Variants in PTPRN observed in about 807,000 individuals in gnomAD.
PTPRN encodes receptor-type tyrosine-protein phosphatase-like N.
A neutral mutation model predicts 108.5 loss-of-function variants in PTPRN; 70 were observed. That is an observed-to-expected ratio of 0.65 (90% CI 0.53 to 0.79). The LOEUF (loss-of-function observed/expected upper bound fraction) is 0.79. PTPRN is among the 30% of genes least tolerant of loss of function. PTPRN has a pLI of 0.00. For missense variants in PTPRN, 1,136 were observed against 1,295.5 expected (o/e 0.88, Z 1.89); for synonymous variants, 496 against 524.6 (o/e 0.95, Z 0.75).
intron 6 of PTPRN, 72 bp downstream of exon 6, chr2:219,302,065 T>G: frequency 7.5e-7 from 1 of 1,336,806 alleles, no homozygotes; most frequent in East Asian, 2.3e-5. Flanking sequence ...GCATAGATTG[T>G]CAGGGAAGGG....
At position 219,296,251 on chromosome 2, in the gene PTPRN, C is replaced by T. The variant is rs967972847; in HGVS notation, c.2483G>A (p.Gly828Asp). ...KQCDRYWPDE[G>D]ASLYHVYEVN... ...CTCATATACGTGGTAGAGGGAGGCA[C>T]CCTCATCTGGCCAGTAGCGGTCACA... is the stretch of plus-strand genomic sequence containing the variant. Residue 828 changes from glycine to aspartate, a missense_variant, in exon 18 of 23, where the codon GGT becomes GAT. Transcript: ENST00000295718. The surrounding 1 kb of genome is among the most constrained non-coding windows in gnomAD (Gnocchi z 6.0). 1.2e-6 allele frequency: 2 copies of T among 1,614,034 alleles called. No individual in the cohort carries two copies. The highest frequency in any genetic ancestry group is 1.7e-6 in the Non-Finnish European group (2 of 1,180,040).
Position 219,290,394 on chromosome 2 carries a change from G to T in PTPRN, c.2869-97C>A. The T allele has an allele frequency of 2.8e-6, 4 of 1,410,100 alleles. No individual in the cohort carries two copies. The highest frequency in any genetic ancestry group is 1.2e-5 in the South Asian group (1 of 82,460). 87.3% of individuals were successfully genotyped at this position (1,410,100 alleles called of 1,614,324 possible). On this transcript the variant is annotated intron_variant, in intron 22 of 22. Coordinates refer to ENST00000295718, the MANE Select transcript of PTPRN (RefSeq NM_002846.4). This position sits in a 1 kb window ranked among gnomAD's most constrained non-coding sequence, Gnocchi z 4.2. ...TTGGTGGGGGGAGGGCCCTGGGCAGGTCCCCTGGGAGGAAGGGAGCCCTCC... is the reference window on the plus strand; with the variant it reads ...TTGGTGGGGGGAGGGCCCTGGGCAGTTCCCCTGGGAGGAAGGGAGCCCTCC...
chr2:219,295,611 G>C (rs1354435321), intron 18 of PTPRN: 1 of 155,372 alleles, frequency 6.4e-6, no homozygotes, highest in Non-Finnish European at 1.4e-5. Context: ...TTTTGTCTTA[G>C]TGGGGACTCA....
In PTPRN at chr2:219,299,084, T is replaced by A; in HGVS notation, c.1631A>T (p.Gln544Leu). The change falls in exon 12 of 23, where the codon CAG becomes CTG. Residue 544 changes from glutamine (Q) to leucine (L), a missense_variant. By Grantham distance (113) the Gln-to-Leu change is moderately radical. Transcript: ENST00000295718. ...AGLVKSELEA[Q>L]TGLQILQTGV... Reference sequence around the variant, plus strand: ...TGTCTGCAAGATTTGGAGCCCTGTCTGTGCTTCCAGTTCAGACTTCACCAG... The same window carrying A: ...TGTCTGCAAGATTTGGAGCCCTGTCAGTGCTTCCAGTTCAGACTTCACCAG... 1.2e-6 allele frequency: 2 copies of A among 1,614,250 alleles called. No homozygotes were observed. Among genetic ancestry groups the A allele is most frequent in the Non-Finnish European group, 1.7e-6 (2 of 1,180,046 alleles).
At chr2:219,291,387 G>T in intron 20 of PTPRN, 83 bp downstream of exon 20, 1 of 1,465,234 alleles carries the variant, frequency 6.8e-7, no homozygotes, top group South Asian at 1.1e-5. Flanking sequence ...CAGTTTGCTA[G>T]CACCAAGGGG....
chr2:219,297,880 CA>C lies in PTPRN; in HGVS notation c.1887+4del. ...TTTGCTCAATCAGCTTCTGGGGCTG[CA>C]CACCTGGTACTCAAAGGTAGTGTCA... On this transcript the variant is annotated splice_donor_region_variant and intron_variant, in intron 13 of 22. Coordinates refer to ENST00000295718, the MANE Select transcript of PTPRN (RefSeq NM_002846.4). This position sits in a 1 kb window ranked among gnomAD's most constrained non-coding sequence, Gnocchi z 6.0. 1 of 1,602,266 alleles carries C rather than the reference CA, an allele frequency of 6.2e-7. No homozygotes were observed. The highest frequency in any genetic ancestry group is 8.5e-7 in the Non-Finnish European group (1 of 1,175,502).
At chr2:219,293,310 A>G (rs540052447) in intron 19 of PTPRN, among the ~76,000 whole-genome samples, 1 of 152,170 alleles carries the variant, frequency 6.6e-6, no homozygotes, top group East Asian at 1.9e-4. Flanking sequence ...CCTCCCGAGT[A>G]GCTGGGAGTA....
At position 219,300,071 on chromosome 2, in the gene PTPRN, T is replaced by C; in HGVS notation, c.1350A>G (p.Pro450=). ...CCACCGTGGGCTGGCTCTGGCCCAG[T>C]GGGCTTTTCTTCTCTAGCAGGACAG... is the stretch of plus-strand genomic sequence containing the variant. The part of the protein sequence containing the change: ...VTPVLLEKKS[P]LGQSQPTVAG... Residue 450 remains proline, a synonymous_variant, in exon 9 of 23, where the codon CCA becomes CCG. Coordinates refer to ENST00000295718, the MANE Select transcript of PTPRN (RefSeq NM_002846.4). The C allele has an allele frequency of 6.2e-7, 1 of 1,614,184 alleles. No homozygotes were observed. The highest frequency in any genetic ancestry group is 1.1e-5 in the South Asian group (1 of 91,084).
chr2:219,300,381 C>T, intron 8 of PTPRN, 122 bp from the exon 9 acceptor site: 2 of 1,045,134 alleles, frequency 1.9e-6, no homozygotes, highest in South Asian at 3.5e-5. Flanking sequence ...CCAGGGACCA[C>T]TGCAGTGCTG....
In PTPRN at chr2:219,309,325, C is replaced by T; in HGVS notation, c.8G>A (p.Arg3His). ...CCCGAGACCCCCAGGCCGCCGCGGG[C>T]GCCGCATCTTTCCGAGCTCCGGGCG... is the stretch of plus-strand genomic sequence containing the variant. MR[R>H]PRRPGGLGGS... is the part of the protein sequence containing the mutation. The change falls in exon 1 of 23, where the codon CGC becomes CAC. Residue 3 changes from arginine (R) to histidine (H), a missense_variant. Arg to His is a conservative substitution (Grantham distance 29). Transcript: ENST00000295718. 6.8e-7 allele frequency: 1 copy of T among 1,467,020 alleles called. No homozygotes were observed. Among genetic ancestry groups the T allele is most frequent in the Non-Finnish European group, 9.0e-7 (1 of 1,109,508 alleles). The allele number at this position is 1,467,020 out of a possible 1,614,324, so 90.9% of individuals were successfully genotyped here.
intron 10 of PTPRN, 80 bp downstream of exon 10, chr2:219,299,620 C>A: frequency 7.2e-7 from 1 of 1,386,944 alleles, no homozygotes. Flanking sequence ...GCTCTTCCTC[C>A]CGCAGGCCCC....
chr2:219,301,469 A>C, intron 7 of PTPRN, 119 bp downstream of exon 7: 1 of 1,383,630 alleles, frequency 7.2e-7, no homozygotes, highest in Non-Finnish European at 9.8e-7. Context: ...TCTCAAAGGA[A>C]CTCTTTCCCC....
intron 20 of PTPRN, among the ~76,000 whole-genome samples, chr2:219,291,166 G>A (rs1420063715): frequency 6.6e-6 from 1 of 152,190 alleles, no homozygotes; most frequent in African/African-American, 2.4e-5. Context: ...AGAAGCAGAG[G>A]CAGCAGGAGG....
intron 3 of PTPRN, among the ~76,000 whole-genome samples, chr2:219,304,668 C>G (rs547063139): frequency 6.6e-6 from 1 of 152,286 alleles, no homozygotes; most frequent in East Asian, 1.9e-4. Flanking sequence ...ATTAGATGAG[C>G]TGTCTGTGTT....
chr2:219,301,503 G>T (rs1952344968), intron 7 of PTPRN, 85 bp downstream of exon 7: 1 of 1,502,414 alleles, frequency 6.7e-7, no homozygotes. Flanking sequence ...TTCCTCTCCA[G>T]GCTACTCCAA....
At position 219,296,070 on chromosome 2, in the gene PTPRN, TTATA is replaced by T; in HGVS notation, c.2508+152_2508+155del. 9.7e-7 allele frequency: 1 copy of T among 1,034,832 alleles called. No individual in the cohort carries two copies. The highest frequency in any genetic ancestry group is 1.4e-6 in the Non-Finnish European group (1 of 699,972). The allele number at this position is 1,034,832 out of a possible 1,614,324, so 64.1% of individuals were successfully genotyped here. A position where few individuals can be genotyped will look rare whatever the true frequency, so the allele number is the denominator to read the frequency against. ...AATATATGGGTATGCATATATGTGT[TTATA>T]TATATTCATATATGTATGAATCATG... On this transcript the variant is annotated intron_variant, in intron 18 of 22. Transcript: ENST00000295718. This position sits in a 1 kb window ranked among gnomAD's most constrained non-coding sequence, Gnocchi z 6.0.
At position 219,296,708 on chromosome 2, in the gene PTPRN, A is replaced by G; in HGVS notation, c.2310+41T>C. The G allele has an allele frequency of 8.1e-6, 13 of 1,609,298 alleles. No homozygotes were observed. Among genetic ancestry groups the G allele is most frequent in the Non-Finnish European group, 1.1e-5 (13 of 1,177,196 alleles). On this transcript the variant is annotated intron_variant, in intron 16 of 22. Transcript: ENST00000295718. The surrounding 1 kb of genome is among the most constrained non-coding windows in gnomAD (Gnocchi z 6.0). ...AAATGGAGTGCATAGGGCCAGGATA[A>G]TGATGGGGCAGAGGTGGGGGCTGGA...
At chr2:219,301,792 G>A (rs141275984) in intron 6 of PTPRN, 73 bp from the exon 7 acceptor site, 188 of 1,511,716 alleles carry the variant, frequency 1.2e-4, no homozygotes, top group Non-Finnish European at 1.6e-4. Flanking sequence ...AGTGAGTGAG[G>A]GTGGGAAGGG....
rs754440209 is a variant in PTPRN, at chr2:219,299,969, A to G, written c.1436+16T>C. The G allele has an allele frequency of 6.2e-7, 1 of 1,613,878 alleles. No homozygotes were observed. The highest frequency in any genetic ancestry group is 1.1e-5 in the South Asian group (1 of 91,052). On this transcript the variant is annotated intron_variant, in intron 9 of 22. Transcript: ENST00000295718. The stretch of plus-strand genomic sequence containing the variant: ...ATCCTAGCAGACCAGAAAGCTTCCC[A>G]GGATGCAGCCCTTACTTCTGATCAG...
Sources: allele counts gnomAD v4.1 joint callset (sites outside exome capture counted in the v4.1 genomes callset), GRCh38; gene constraint gnomAD v4.1.1; non-coding constraint Gnocchi (gnomAD v3.1); transcripts MANE v1.5; gene names NCBI Gene and HGNC (gene_info 2026-07-23, HGNC 2026-07-21).